Variants in DNAH11 observed in about 807,000 individuals in gnomAD.
DNAH11 encodes dynein axonemal heavy chain 11.
A neutral mutation model predicts 526.0 loss-of-function variants in DNAH11; 442 were observed. The ratio of observed to expected loss-of-function variants is 0.84; its 90% CI spans 0.78 to 0.91. The LOEUF is 0.91. Among genes scored for constraint, DNAH11 ranks in the 40% least tolerant of loss-of-function variants. DNAH11 has a pLI of 0.00. For synonymous variants in DNAH11, 2,461 were observed against 1,935.9 expected (o/e 1.27, Z -7.12); for missense variants, 6,989 against 5,448.7 (o/e 1.28, Z -8.90).
rs778885238 is a variant in DNAH11 at position 21,658,889 on chromosome 7, C to A, written c.5186C>A (p.Pro1729His). 3.1e-6 allele frequency: 5 copies of A among 1,609,606 alleles called. No individual in the cohort carries two copies. Among genetic ancestry groups the A allele is most frequent in the Non-Finnish European group, 3.4e-6 (4 of 1,178,050 alleles). ...TEAIVAYEEK[P>H]RELWIFDFPA... Reference sequence around the variant, plus strand: ...GCCATAGTGGCCTACGAGGAAAAACCTAGGGAACTGTGGATTTTTGATTTC... The same window carrying A: ...GCCATAGTGGCCTACGAGGAAAAACATAGGGAACTGTGGATTTTTGATTTC... The change falls in exon 30 of 82, where the codon CCT becomes CAT. Residue 1729 changes from proline (P) to histidine (H), a missense_variant. Coordinates refer to ENST00000409508, the MANE Select transcript of DNAH11 (RefSeq NM_001277115.2).
At chr7:21,613,187 A>G (rs982530338) in intron 20 of DNAH11, among the ~76,000 whole-genome samples, 1 of 152,230 alleles carries the variant, frequency 6.6e-6, no homozygotes, top group Non-Finnish European at 1.5e-5. Context: ...TCATGAATAT[A>G]TAGGTGGACA....
intron 54 of DNAH11, among the ~76,000 whole-genome samples, chr7:21,750,642 T>A (rs1786372721): frequency 6.6e-6 from 1 of 152,220 alleles, no homozygotes; most frequent in Non-Finnish European, 1.5e-5. Flanking sequence ...ACAGGAGACA[T>A]CACAAATAAT....
chr7:21,565,361 A>G (rs1783623976), intron 6 of DNAH11, among the ~76,000 whole-genome samples: 1 of 152,188 alleles, frequency 6.6e-6, no homozygotes, highest in Non-Finnish European at 1.5e-5. Flanking sequence ...AGATACAGTC[A>G]CATTGGGAGT....
At chr7:21,588,257 C>T in intron 10 of DNAH11, 56 bp downstream of exon 10, 1 of 1,552,914 alleles carries the variant, frequency 6.4e-7, no homozygotes, top group Non-Finnish European at 8.7e-7. Flanking sequence ...GGATAATGAC[C>T]ATCAACTAGA....
chr7:21,715,093 T>G (rs1784601878), intron 42 of DNAH11, among the ~76,000 whole-genome samples: 1 of 152,220 alleles, frequency 6.6e-6, no homozygotes, highest in Non-Finnish European at 1.5e-5. Flanking sequence ...TGGTATACAC[T>G]GCTAGTCAGC....
At chr7:21,626,107 A>G (rs546820265) in intron 25 of DNAH11, among the ~76,000 whole-genome samples, 1 of 152,294 alleles carries the variant, frequency 6.6e-6, no homozygotes, top group South Asian at 2.1e-4. Flanking sequence ...TGAAATACAC[A>G]ATAGATTATT....
chr7:21,645,580 T>G (rs576802829), intron 28 of DNAH11, among the ~76,000 whole-genome samples: 13 of 151,932 alleles, frequency 8.6e-5, no homozygotes, highest in Non-Finnish European at 1.9e-4. Flanking sequence ...CAGGCCCCAT[T>G]AAGGAGGATA....
intron 31 of DNAH11, among the ~76,000 whole-genome samples, chr7:21,682,645 G>A (rs560851582): frequency 6.6e-6 from 1 of 152,120 alleles, no homozygotes; most frequent in East Asian, 1.9e-4. Flanking sequence ...CAAAAGTCAG[G>A]AGTATGCTTG....
intron 31 of DNAH11, among the ~76,000 whole-genome samples, chr7:21,683,544 A>G (rs534956789): frequency 3.3e-5 from 5 of 152,244 alleles, no homozygotes; most frequent in Non-Finnish European, 4.4e-5. Context: ...AGGAAAAAGC[A>G]TTGCTTGAAG....
chr7:21,690,753 T>C lies in DNAH11; in HGVS notation c.5925-12T>C. 1.9e-6 allele frequency: 3 copies of C among 1,585,844 alleles called. No individual in the cohort carries two copies. The highest frequency in any genetic ancestry group is 2.6e-6 in the Non-Finnish European group (3 of 1,158,748). ...AACACATTTAATTTCATCAACATTCTTTTTATGGTAGATTTGTATTTCTTG... is the reference window on the plus strand; with the variant it reads ...AACACATTTAATTTCATCAACATTCCTTTTATGGTAGATTTGTATTTCTTG... On this transcript the variant is annotated splice_polypyrimidine_tract_variant and intron_variant, in intron 34 of 81. Coordinates refer to ENST00000409508, the MANE Select transcript of DNAH11 (RefSeq NM_001277115.2).
chr7:21,803,802 C>G (rs1272996783), intron 62 of DNAH11, among the ~76,000 whole-genome samples: 1 of 148,714 alleles, frequency 6.7e-6, no homozygotes, highest in Non-Finnish European at 1.5e-5. Flanking sequence ...TCATTGAAGT[C>G]TGGAAAAGTG....
rs139017404 is a variant in DNAH11 at position 21,773,657 on chromosome 7, A to AT, written c.9103-100dup. 0.053 allele frequency: 43,706 copies of AT among 821,728 alleles called. 1,030 individuals are homozygous for AT. Among genetic ancestry groups the AT allele is most frequent in the East Asian group, 0.14 (4,808 of 34,956 alleles). The allele number at this position is 821,728 out of a possible 1,614,324, so 50.9% of individuals were successfully genotyped here. ...ATAAGTTTTCGTAGGTTATACTATCATTTTTTTTTCTGACTTTTAGAAAAA... is the reference window on the plus strand; with the variant it reads ...ATAAGTTTTCGTAGGTTATACTATCATTTTTTTTTTCTGACTTTTAGAAAAA... On this transcript the variant is annotated intron_variant, in intron 55 of 81. Coordinates refer to ENST00000409508, the MANE Select transcript of DNAH11 (RefSeq NM_001277115.2).
rs770683684 is a variant in DNAH11 at position 21,749,690 on chromosome 7, A to G, written c.8686A>G (p.Asn2896Asp). ...CCTTTCCTTACAGGTAGATCTTGCCAATTTGTACATCCGAACTGGAGCCAA... is the reference window on the plus strand; with the variant it reads ...CCTTTCCTTACAGGTAGATCTTGCCGATTTGTACATCCGAACTGGAGCCAA... ...GIQELRVDLANLYIRTGAKNM... is the reference protein window; with the variant it reads ...GIQELRVDLADLYIRTGAKNM... Residue 2896 changes from asparagine (N) to aspartate (D), a missense_variant, in exon 53 of 82, where the codon AAT (asparagine) becomes GAT (aspartate). Physicochemically the swap from Asn to Asp is conservative, Grantham distance 23. Coordinates refer to ENST00000409508, the MANE Select transcript of DNAH11 (RefSeq NM_001277115.2). 1 of 1,613,818 alleles carries G rather than the reference A, an allele frequency of 6.2e-7. No homozygotes were observed. The highest frequency in any genetic ancestry group is 8.5e-7 in the Non-Finnish European group (1 of 1,179,820).
intron 45 of DNAH11, 48 bp from the exon 46 acceptor site, chr7:21,735,592 A>ACGCG (rs1785569629): frequency 1.9e-5 from 29 of 1,518,178 alleles, no homozygotes; most frequent in Non-Finnish European, 2.4e-5. Flanking sequence ...TCTCGCACGC[A>ACGCG]CTCTCTCTCT....
At chr7:21,834,707 A>G (rs1781924760) in intron 65 of DNAH11, among the ~76,000 whole-genome samples, 1 of 152,234 alleles carries the variant, frequency 6.6e-6, no homozygotes, top group South Asian at 2.1e-4. Flanking sequence ...TTAGCCAGGC[A>G]TAGTGATGCA....
intron 34 of DNAH11, among the ~76,000 whole-genome samples, chr7:21,688,630 C>T (rs1304602781): frequency 6.6e-6 from 1 of 152,188 alleles, no homozygotes; most frequent in African/African-American, 2.4e-5. Flanking sequence ...TTTAATATAT[C>T]CAAAATAAAA....
intron 45 of DNAH11, 50 bp from the exon 46 acceptor site, chr7:21,735,590 G>A (rs753236795): frequency 4.0e-5 from 60 of 1,508,148 alleles, no homozygotes; most frequent in Admixed American, 1.0e-4. Context: ...TCTCTCGCAC[G>A]CACTCTCTCT....
At chr7:21,846,729 TGA>T (rs1355338970) in intron 66 of DNAH11, among the ~76,000 whole-genome samples, 3 of 152,138 alleles carry the variant, frequency 2.0e-5, no homozygotes, top group Non-Finnish European at 4.4e-5. Context: ...CCCTATAGAA[TGA>T]GATAGGAAAT....
intron 57 of DNAH11, among the ~76,000 whole-genome samples, chr7:21,784,069 A>C (rs1489751501): frequency 6.6e-6 from 1 of 152,226 alleles, no homozygotes; most frequent in Non-Finnish European, 1.5e-5. Context: ...AAGCTAGCCC[A>C]GATGTTTGTT....
Sources: allele counts gnomAD v4.1 joint callset (sites outside exome capture counted in the v4.1 genomes callset), GRCh38; gene constraint gnomAD v4.1.1; transcripts MANE v1.5; gene names NCBI Gene and HGNC (gene_info 2026-07-23, HGNC 2026-07-21).